The following ARPC1A variants were observed in gnomAD, a reference collection of about 807,000 sequenced individuals.
The protein encoded by ARPC1A is actin related protein 2/3 complex subunit 1A, also known as actin-related protein 2/3 complex subunit 1A.
A neutral mutation model predicts 46.9 loss-of-function variants in ARPC1A; 8 were observed. The ratio of observed to expected loss-of-function variants is 0.17; its 90% confidence interval spans 0.10 to 0.31. ARPC1A has a LOEUF of 0.31. Ranked by LOEUF, ARPC1A falls within the 10% of genes least tolerant of loss-of-function variation. The pLI is 1.00. For synonymous variants in ARPC1A, 152 were observed against 169.0 expected, an observed-to-expected ratio of 0.90 and a Z score of 0.78; for missense variants, 286 against 483.6, an observed-to-expected ratio of 0.59 and a Z score of 3.83.
chr7:99,344,522 G>A lies in ARPC1A; in HGVS notation c.392+7G>A. ...TTGAGTCTGAAAATGACTGGTGAGT[G>A]ACATCTGAATTTTTTCTATCCCTCT... is the stretch of plus-strand genomic sequence containing the variant. On this transcript the variant is annotated splice_region_variant and intron_variant, in intron 4 of 9. Transcript: ENST00000262942. 3 of 1,613,538 alleles carry A rather than the reference G, an allele frequency of 1.9e-6. No individual in the cohort carries two copies. Among genetic ancestry groups the A allele is most frequent in the Non-Finnish European group, 2.5e-6 (3 of 1,179,560 alleles).
At chr7:99,352,455 G>A (rs550396896) in intron 5 of ARPC1A, among the ~76,000 whole-genome samples, 22 of 150,910 alleles carry the variant, frequency 1.5e-4, no homozygotes, top group Non-Finnish European at 2.7e-4. Flanking sequence ...CCAGGAGTTC[G>A]AGACCAGCCT....
At chr7:99,357,764 C>T (rs547973842) in intron 6 of ARPC1A, among the ~76,000 whole-genome samples, 49 of 152,322 alleles carry the variant, frequency 3.2e-4, no homozygotes, top group African/African-American at 1.0e-3. Flanking sequence ...ACACACATGT[C>T]CCTGCAGGCA....
intron 2 of ARPC1A, among the ~76,000 whole-genome samples, chr7:99,336,160 C>T (rs188260433): frequency 2.6e-4 from 40 of 152,234 alleles, no homozygotes; most frequent in African/African-American, 7.9e-4. Flanking sequence ...CTATCATTGT[C>T]CTCATTTAAA....
At chr7:99,326,785 T>A (rs1793054978) in intron 1 of ARPC1A, among the ~76,000 whole-genome samples, 1 of 152,186 alleles carries the variant, frequency 6.6e-6, no homozygotes, top group African/African-American at 2.4e-5. Context: ...TTCTGGGCAT[T>A]CTATGCATAT....
intron 9 of ARPC1A, among the ~76,000 whole-genome samples, 179 bp from the exon 10 acceptor site, chr7:99,365,712 A>T (rs1047218060): frequency 1.3e-5 from 2 of 150,998 alleles, no homozygotes; most frequent in African/African-American, 2.4e-5. Flanking sequence ...CAGCAGGGGG[A>T]GCCCCGGCCT....
Position 99,333,336 on chromosome 7 carries a change from T to C in ARPC1A, c.-18T>C, listed in dbSNP as rs747644495. 2 of 1,609,570 alleles carry C rather than the reference T, an allele frequency of 1.2e-6. No homozygotes were observed. The highest frequency in any genetic ancestry group is 1.1e-5 in the South Asian group (1 of 90,708). On this transcript the variant is annotated 5_prime_UTR_variant, in exon 2 of 10. Transcript: ENST00000262942. The stretch of plus-strand genomic sequence containing the variant: ...ATTGTTCATTGCAGCTTTCTCTCCT[T>C]TGAAAACACTAAGAATAATGTCACT...
rs180914414 is a variant in ARPC1A, at chr7:99,334,521, G to T, written c.64+1104G>T. Reference sequence around the variant, plus strand: ...GCATAATCCAGGATCACAACAATGTGTGCCTATGCCTGTGTTTCCTTCTAA... The same window carrying T: ...GCATAATCCAGGATCACAACAATGTTTGCCTATGCCTGTGTTTCCTTCTAA... On this transcript the variant is annotated intron_variant, in intron 2 of 9. Coordinates refer to ENST00000262942, the MANE Select transcript of ARPC1A (RefSeq NM_006409.4). Among the ~76,000 whole-genome samples the T allele has an allele frequency of 2.6e-5, 4 of 152,272 alleles. No individual in the cohort carries two copies. In the East Asian group the frequency reaches 7.7e-4, roughly 29 times the overall value.
At chr7:99,350,885 A>G (rs1013751455) in intron 5 of ARPC1A, among the ~76,000 whole-genome samples, 5 of 151,344 alleles carry the variant, frequency 3.3e-5, no homozygotes, top group African/African-American at 9.7e-5. Context: ...GGGCTCAAAG[A>G]ATCCTTCTGC....
chr7:99,332,914 TG>T (rs60929366), intron 1 of ARPC1A, among the ~76,000 whole-genome samples: 33,110 of 149,602 alleles, frequency 0.22, 5,900 homozygotes, highest in African/African-American at 0.49. Flanking sequence ...TTTTTTTTTT[TG>T]AGACAGAGTC....
chr7:99,363,465 C>T (rs1031630099), intron 8 of ARPC1A, 78 bp from the exon 9 acceptor site: 48 of 1,035,658 alleles, frequency 4.6e-5, no homozygotes, highest in Non-Finnish European at 7.0e-5. Context: ...TTAAGCTGCC[C>T]TTACACTATT....
intron 6 of ARPC1A, among the ~76,000 whole-genome samples, chr7:99,357,902 G>A (rs1294301056): frequency 6.6e-6 from 1 of 152,168 alleles, no homozygotes; most frequent in Non-Finnish European, 1.5e-5. Flanking sequence ...CAGCCCTCTC[G>A]GAGCTCCGGT....
At chr7:99,365,168 T>C (rs1328174915) in intron 9 of ARPC1A, among the ~76,000 whole-genome samples, 2 of 152,066 alleles carry the variant, frequency 1.3e-5, no homozygotes, top group Non-Finnish European at 2.9e-5. Context: ...GAGCTCTAGG[T>C]AGCCAGGCGC....
chr7:99,333,551 A>G lies in ARPC1A; in HGVS notation c.64+134A>G, dbSNP rs1028909941. ...CATCTATTATATACATTCAGAAGGG[A>G]ACTAAGTCAGTCCTTTGGTTTACAG... On this transcript the variant is annotated intron_variant, in intron 2 of 9. Coordinates refer to ENST00000262942, the MANE Select transcript of ARPC1A (RefSeq NM_006409.4). The G allele has an allele frequency of 1.3e-5, 10 of 757,158 alleles. No individual in the cohort carries two copies. The East Asian group carries it at 2.6e-4, about 19-fold the overall frequency. The allele number at this position is 757,158 out of a possible 1,614,324, so 46.9% of individuals were successfully genotyped here.
chr7:99,337,208 G>A (rs1258831171), intron 2 of ARPC1A, among the ~76,000 whole-genome samples: 1 of 152,128 alleles, frequency 6.6e-6, no homozygotes, highest in Non-Finnish European at 1.5e-5. Flanking sequence ...GATTACCTGA[G>A]GTCGGGAGTT....
intron 2 of ARPC1A, among the ~76,000 whole-genome samples, chr7:99,336,481 A>C (rs938878811): frequency 1.2e-4 from 12 of 103,188 alleles, no homozygotes; most frequent in Non-Finnish European, 2.0e-4. Flanking sequence ...ATAGGTCTTA[A>C]TTTTTTTTTT....
At chr7:99,333,054 G>A (rs1037056863) in intron 1 of ARPC1A, among the ~76,000 whole-genome samples, 2 of 152,036 alleles carry the variant, frequency 1.3e-5, no homozygotes, top group African/African-American at 2.4e-5. Context: ...GTGCCACCAC[G>A]CCCAGCTAAT....
Position 99,348,702 on chromosome 7 carries a change from A to T in ARPC1A, c.393-150A>T, listed in dbSNP as rs886254946. On this transcript the variant is annotated intron_variant, in intron 4 of 9. Coordinates refer to ENST00000262942, the MANE Select transcript of ARPC1A (RefSeq NM_006409.4). ...AACCTATCTGAAAAAGTTTATTCTG[A>T]AAAAAATAATATTCTGAATTGTTTT... 4.1e-5 allele frequency: 20 copies of T among 491,768 alleles called. No homozygotes were observed. The Admixed American group carries it at 5.8e-4, about 14-fold the overall frequency. 30.5% of individuals were successfully genotyped at this position (491,768 alleles called of 1,614,324 possible). A position where few individuals can be genotyped will look rare whatever the true frequency, so the allele number is the denominator to read the frequency against.
Position 99,366,042 on chromosome 7 carries a change from C to A in ARPC1A, c.*113C>A. On this transcript the variant is annotated 3_prime_UTR_variant, in exon 10 of 10. Coordinates refer to ENST00000262942, the MANE Select transcript of ARPC1A (RefSeq NM_006409.4). ...GGAAACACTGAAAACACATATCACG[C>A]CAATGCCGTGTGGTTTTGTTTGAAT... is the stretch of plus-strand genomic sequence containing the variant. The A allele has an allele frequency of 3.2e-6, 4 of 1,248,798 alleles. No homozygotes were observed. Among genetic ancestry groups the A allele is most frequent in the Non-Finnish European group, 4.5e-6 (4 of 894,806 alleles). The allele number at this position is 1,248,798 out of a possible 1,614,324, so 77.4% of individuals were successfully genotyped here. A position where few individuals can be genotyped will look rare whatever the true frequency, so the allele number is the denominator to read the frequency against.
intron 5 of ARPC1A, among the ~76,000 whole-genome samples, chr7:99,349,550 C>G (rs1012769400): frequency 2.0e-5 from 3 of 150,990 alleles, no homozygotes; most frequent in East Asian, 2.0e-4. Flanking sequence ...ACTAAAAATA[C>G]AAAAGAGGCC....
Sources: allele counts gnomAD v4.1 joint callset (sites outside exome capture counted in the v4.1 genomes callset), GRCh38; gene constraint gnomAD v4.1.1; transcripts MANE v1.5; gene names NCBI Gene and HGNC (gene_info 2026-07-23, HGNC 2026-07-21).